Variants in MS4A13 observed in about 807,000 individuals in gnomAD.
The protein encoded by MS4A13 is membrane-spanning 4-domains subfamily A member 13.
Under a neutral mutation model 18.4 loss-of-function variants are expected in MS4A13, and 21 were observed. The ratio of observed to expected loss-of-function variants is 1.14; its 90% CI spans 0.81 to 1.64. The LOEUF (loss-of-function observed/expected upper bound fraction) is 1.64. Ranked by LOEUF, MS4A13 falls within the 40% of genes most tolerant of loss-of-function variation. The pLI, the probability that MS4A13 is intolerant of heterozygous loss-of-function variation, is 0.00. For synonymous variants in MS4A13, 62 were observed against 57.2 expected (o/e 1.08, Z -0.38); for missense variants, 173 against 176.8 (o/e 0.98, Z 0.12).
intron 3 of MS4A13, among the ~76,000 whole-genome samples, chr11:60,519,660 G>T (rs1294670149): frequency 1.3e-5 from 2 of 152,216 alleles, no homozygotes; most frequent in Non-Finnish European, 2.9e-5. Flanking sequence ...ATGTTCAGCT[G>T]CATGAGTGCA....
chr11:60,538,909 C>G (rs1441044528), intron 6 of MS4A13, among the ~76,000 whole-genome samples: 1 of 129,018 alleles, frequency 7.8e-6, no homozygotes, highest in East Asian at 2.1e-4. Context: ...GTGGAGGGGG[C>G]CACATGCAAG....
intron 5 of MS4A13, among the ~76,000 whole-genome samples, chr11:60,527,406 CTCTCTGTGTGTGTG>C (rs2086725363): frequency 4.3e-5 from 2 of 46,108 alleles, no homozygotes; most frequent in African/African-American, 8.7e-5. Context: ...CTCTCTCTCT[CTCTCTGTGTGTGTG>C]TGTGTGTGTG....
chr11:60,538,886 G>A (rs934298248), intron 6 of MS4A13, among the ~76,000 whole-genome samples: 2 of 130,956 alleles, frequency 1.5e-5, no homozygotes, highest in Non-Finnish European at 3.2e-5. Flanking sequence ...CATCTCCATT[G>A]CTGGCCTTGA....
intron 1 of MS4A13, 109 bp downstream of exon 1, chr11:60,515,716 A>G (rs1460194628): frequency 6.6e-6 from 1 of 152,214 alleles, no homozygotes; most frequent in African/African-American, 2.4e-5. Flanking sequence ...AGTAGGCACT[A>G]TTTACTACTC....
At chr11:60,539,438 GA>G (rs1304141292) in intron 6 of MS4A13, among the ~76,000 whole-genome samples, 2 of 151,562 alleles carry the variant, frequency 1.3e-5, no homozygotes, top group African/African-American at 4.8e-5. Flanking sequence ...CCAGTCCGAA[GA>G]ACAGGAAAAA....
At chr11:60,538,300 G>A (rs888207261) in intron 6 of MS4A13, among the ~76,000 whole-genome samples, 1 of 151,788 alleles carries the variant, frequency 6.6e-6, no homozygotes, top group African/African-American at 2.4e-5. Context: ...TTGATCAAAG[G>A]CCATACAGTT....
chr11:60,516,309 A>G (rs923827609), intron 2 of MS4A13, among the ~76,000 whole-genome samples: 3 of 152,174 alleles, frequency 2.0e-5, no homozygotes, highest in Admixed American at 2.0e-4. Flanking sequence ...GATAATAGAG[A>G]AATCCAAGTA....
chr11:60,524,569 C>CT lies in MS4A13; in HGVS notation c.187-626dup, dbSNP rs569744287. Reference sequence around the variant, plus strand: ...TATTTCTACAAGCAGTCATTTTCCACTTTTTTTTTTTTCTTACAGTGGAAC... The same window carrying CT: ...TATTTCTACAAGCAGTCATTTTCCACTTTTTTTTTTTTTCTTACAGTGGAAC... On this transcript the variant is annotated intron_variant, in intron 4 of 6. Coordinates refer to ENST00000378186, the MANE Select transcript of MS4A13 (RefSeq NM_001012417.3). Among the ~76,000 whole-genome samples the CT allele has an allele frequency of 4.0e-3, 605 of 151,834 alleles. 7 individuals carry two copies. The highest frequency in any genetic ancestry group is 0.014 in the African/African-American group (564 of 41,266).
At chr11:60,520,043 A>G (rs1001146755) in intron 3 of MS4A13, among the ~76,000 whole-genome samples, 4 of 152,206 alleles carry the variant, frequency 2.6e-5, no homozygotes, top group Non-Finnish European at 5.9e-5. Context: ...AAGAACCACA[A>G]GCCCAAGGTA....
At chr11:60,522,223 G>GATGTAT (rs533331555) in intron 3 of MS4A13, among the ~76,000 whole-genome samples, 1 of 4,670 alleles carries the variant, frequency 2.1e-4, no homozygotes, top group Non-Finnish European at 1.6e-3. Flanking sequence ...TAGATAGATA[G>GATGTAT]ATAGATAGAT....
chr11:60,523,149 T>G (rs1475203486), intron 3 of MS4A13, among the ~76,000 whole-genome samples: 1 of 152,220 alleles, frequency 6.6e-6, no homozygotes, highest in Non-Finnish European at 1.5e-5. Context: ...AACAAATAGA[T>G]TTAAAATTAT....
chr11:60,522,162 G>A (rs1480464641), intron 3 of MS4A13, among the ~76,000 whole-genome samples: 1 of 151,112 alleles, frequency 6.6e-6, no homozygotes, highest in Non-Finnish European at 1.5e-5. Flanking sequence ...AGATTTGGGT[G>A]GGGACACAGA....
At chr11:60,516,248 GTTCC>G (rs1464636439) in intron 2 of MS4A13, among the ~76,000 whole-genome samples, 164 bp downstream of exon 2, 7 of 151,224 alleles carry the variant, frequency 4.6e-5, no homozygotes, top group Non-Finnish European at 1.0e-4. Flanking sequence ...CTGATCTCAT[GTTCC>G]TTCATGTGCT....
At chr11:60,524,545 A>G (rs1346191559) in intron 4 of MS4A13, among the ~76,000 whole-genome samples, 1 of 151,988 alleles carries the variant, frequency 6.6e-6, no homozygotes, top group Non-Finnish European at 1.5e-5. Flanking sequence ...ACTGACTCCT[A>G]TTTCTACAAG....
At chr11:60,521,125 GCTGCACATAGTACAGGGGCC>G (rs1330820283) in intron 3 of MS4A13, among the ~76,000 whole-genome samples, 18 of 152,278 alleles carry the variant, frequency 1.2e-4, no homozygotes, top group African/African-American at 4.3e-4. Flanking sequence ...AAGTCCCTAG[GCTGCACATAGTACAGGGGCC>G]CTGGGCCCGG....
intron 2 of MS4A13, among the ~76,000 whole-genome samples, chr11:60,516,765 G>A (rs933537781): frequency 3.3e-5 from 5 of 152,008 alleles, no homozygotes; most frequent in African/African-American, 4.8e-5. Flanking sequence ...AACCTATCTT[G>A]TCCTTCTCCA....
intron 6 of MS4A13, among the ~76,000 whole-genome samples, chr11:60,530,512 C>T (rs547278861): frequency 7.2e-5 from 11 of 152,220 alleles, no homozygotes; most frequent in African/African-American, 2.4e-4. Flanking sequence ...GGTAACTCTC[C>T]CTAAAAATGA....
chr11:60,532,461 G>A (rs1325141106), intron 6 of MS4A13, among the ~76,000 whole-genome samples: 1 of 152,210 alleles, frequency 6.6e-6, no homozygotes, highest in Non-Finnish European at 1.5e-5. Context: ...GCGCTTTTCA[G>A]ACCGGCTCAA....
chr11:60,526,867 T>C (rs925511243), intron 5 of MS4A13, among the ~76,000 whole-genome samples: 9 of 152,212 alleles, frequency 5.9e-5, no homozygotes, highest in Admixed American at 6.5e-5. Flanking sequence ...ATTTAAATAC[T>C]ATCCTCAGTA....
Sources: gnomAD v4.1 joint callset for allele counts (sites outside exome capture counted in the v4.1 genomes callset) on GRCh38, gnomAD v4.1.1 for gene constraint, MANE v1.5 for transcripts, NCBI Gene and HGNC (gene_info 2026-07-23, HGNC 2026-07-21) for gene names.